SLC35F3: variants seen among roughly 807,000 people sequenced by gnomAD.
SLC35F3 encodes putative thiamine transporter SLC35F3.
A neutral mutation model predicts 49.9 loss-of-function variants in SLC35F3; 25 were observed. The ratio of observed to expected loss-of-function variants is 0.50; its 90% CI spans 0.37 to 0.70. The LOEUF is 0.70. SLC35F3 is among the 30% of genes least tolerant of loss of function. The pLI is 0.00. For missense variants in SLC35F3, 525 were observed against 639.8 expected (o/e 0.82, Z 1.94); for synonymous variants, 275 against 265.4 (o/e 1.04, Z -0.35).
rs185771804 is a variant in SLC35F3 at position 234,037,039 on chromosome 1, G to A, written c.283+131281G>A. Among the ~76,000 whole-genome samples, 11 of 152,318 alleles carry A rather than the reference G, an allele frequency of 7.2e-5. No individual in the cohort carries two copies. In the East Asian group the frequency reaches 1.3e-3, roughly 19 times the overall value. On this transcript the variant is annotated intron_variant, in intron 2 of 7. Transcript: ENST00000366618. The stretch of plus-strand genomic sequence containing the variant: ...AATATTTATAGTAAGCCTACTCGAT[G>A]TTAGATACTATTTGTCCTAGTCTGT...
intron 2 of SLC35F3, among the ~76,000 whole-genome samples, chr1:233,944,207 A>T (rs1662476366): frequency 1.3e-5 from 2 of 152,212 alleles, no homozygotes; most frequent in Non-Finnish European, 2.9e-5. Flanking sequence ...ACTGAAGGAG[A>T]TTGAGACACA....
Position 233,905,573 on chromosome 1 carries a change from A to C in SLC35F3, c.98A>C (p.Asp33Ala). Residue 33 changes from aspartate (D) to alanine (A), a missense_variant, in exon 2 of 8, where the codon GAC becomes GCC. Physicochemically the swap from Asp to Ala is moderately radical, Grantham distance 126 (BLOSUM62 -2). Coordinates refer to ENST00000366618, the MANE Select transcript of SLC35F3 (RefSeq NM_173508.4). ...GACGTCAGCCCCCGGAGACTGTCCG[A>C]CATCAGCCCCCAGCTCCGGCAGCTC... ...SPDVSPRRLS[D>A]ISPQLRQLKY... is the part of the protein sequence containing the mutation. The C allele has an allele frequency of 6.2e-7, 1 of 1,614,116 alleles. No individual in the cohort carries two copies. The highest frequency in any genetic ancestry group is 8.5e-7 in the Non-Finnish European group (1 of 1,180,032).
chr1:234,172,027 CCAGCTCATCTT>C (rs1397964343), intron 2 of SLC35F3, among the ~76,000 whole-genome samples: 1 of 152,150 alleles, frequency 6.6e-6, no homozygotes, highest in East Asian at 1.9e-4. Flanking sequence ...GAAGGAATGT[CCAGCTCATCTT>C]CTTTTTAGCA....
intron 2 of SLC35F3, among the ~76,000 whole-genome samples, chr1:233,911,764 T>G (rs1661878138): frequency 6.6e-6 from 1 of 152,184 alleles, no homozygotes; most frequent in Non-Finnish European, 1.5e-5. Context: ...CTAAAAGCTT[T>G]CCAACTAGAG....
chr1:234,287,831 C>A (rs921634827), intron 3 of SLC35F3, among the ~76,000 whole-genome samples: 1 of 152,180 alleles, frequency 6.6e-6, no homozygotes, highest in Non-Finnish European at 1.5e-5. Context: ...TTTTCCAATT[C>A]CTTCATTTGC....
At chr1:234,268,373 G>T (rs1253355329) in intron 3 of SLC35F3, among the ~76,000 whole-genome samples, 2 of 152,034 alleles carry the variant, frequency 1.3e-5, no homozygotes, top group Admixed American at 6.5e-5. Flanking sequence ...GAATCAGGCA[G>T]GGAGGTTGCA....
At chr1:234,057,675 T>G (rs1193382912) in intron 2 of SLC35F3, among the ~76,000 whole-genome samples, 1 of 152,190 alleles carries the variant, frequency 6.6e-6, no homozygotes, top group Non-Finnish European at 1.5e-5. Flanking sequence ...TCCAGTCTAA[T>G]GTTGAATGAA....
At chr1:234,015,003 A>G (rs560557936) in intron 2 of SLC35F3, among the ~76,000 whole-genome samples, 2 of 152,332 alleles carry the variant, frequency 1.3e-5, no homozygotes, top group African/African-American at 4.8e-5. Flanking sequence ...ATCACAAAAA[A>G]TCCTGGAAGT....
At chr1:234,103,555 C>T (rs1665242586) in intron 2 of SLC35F3, among the ~76,000 whole-genome samples, 1 of 152,174 alleles carries the variant, frequency 6.6e-6, no homozygotes, top group African/African-American at 2.4e-5. Context: ...CATCCAATGC[C>T]ACTATAGCCA....
At chr1:233,920,201 T>C (rs576591674) in intron 2 of SLC35F3, among the ~76,000 whole-genome samples, 2 of 152,248 alleles carry the variant, frequency 1.3e-5, no homozygotes, top group East Asian at 3.9e-4. Context: ...ATCTGTTTCT[T>C]AAGAACAAGA....
At chr1:233,982,523 C>T (rs557130244) in intron 2 of SLC35F3, among the ~76,000 whole-genome samples, 7 of 152,118 alleles carry the variant, frequency 4.6e-5, no homozygotes, top group Non-Finnish European at 8.8e-5. Flanking sequence ...TACAGGCATG[C>T]GCCACCATGC....
intron 2 of SLC35F3, among the ~76,000 whole-genome samples, chr1:234,084,691 C>T (rs1664935875): frequency 6.6e-6 from 1 of 152,180 alleles, no homozygotes. Context: ...AGGTGTTCTG[C>T]TCTATTGAAG....
intron 2 of SLC35F3, among the ~76,000 whole-genome samples, chr1:234,095,224 G>A (rs932587642): frequency 6.6e-6 from 1 of 152,148 alleles, no homozygotes; most frequent in African/African-American, 2.4e-5. Flanking sequence ...AGCACCAGGG[G>A]CCTCCATGAA....
chr1:234,148,281 G>A (rs539576300), intron 2 of SLC35F3, among the ~76,000 whole-genome samples: 53 of 152,206 alleles, frequency 3.5e-4, no homozygotes, highest in Admixed American at 8.5e-4. Flanking sequence ...TTATCCACAC[G>A]CACTCAAGAT....
rs556093761 is a variant in SLC35F3 at position 234,139,479 on chromosome 1, A to C, written c.284-91938A>C. Among the ~76,000 whole-genome samples, 36 of 152,340 alleles carry C rather than the reference A, an allele frequency of 2.4e-4. No homozygotes were observed. In the South Asian group the frequency reaches 7.2e-3, roughly 31 times the overall value. ...AAAGGCACTCTACAATAGTCTATGA[A>C]AATGTAATATGGGACACACTTATAG... On this transcript the variant is annotated intron_variant, in intron 2 of 7. Coordinates refer to ENST00000366618, the MANE Select transcript of SLC35F3 (RefSeq NM_173508.4).
intron 2 of SLC35F3, among the ~76,000 whole-genome samples, chr1:234,073,283 A>G (rs937470789): frequency 1.1e-4 from 17 of 152,088 alleles, no homozygotes; most frequent in African/African-American, 4.1e-4. Context: ...ATGTGGAACT[A>G]TAGCCATGAG....
chr1:234,064,938 A>C (rs895803770), intron 2 of SLC35F3, among the ~76,000 whole-genome samples: 1 of 152,184 alleles, frequency 6.6e-6, no homozygotes, highest in African/African-American at 2.4e-5. Flanking sequence ...ACTGAAGACT[A>C]TTTTCTTTTA....
chr1:234,321,552 G>A (rs1351372564), intron 7 of SLC35F3, among the ~76,000 whole-genome samples: 2 of 152,204 alleles, frequency 1.3e-5, no homozygotes, highest in Non-Finnish European at 2.9e-5. Context: ...TCTTTAGTTT[G>A]TGGTCATACC....
intron 2 of SLC35F3, among the ~76,000 whole-genome samples, chr1:234,101,933 G>A (rs193274971): frequency 3.3e-5 from 5 of 152,226 alleles, no homozygotes; most frequent in South Asian, 2.1e-4. Flanking sequence ...TTCTGCCTCC[G>A]ATTCAAGAAG....
Sources: gnomAD v4.1 joint callset for allele counts (sites outside exome capture counted in the v4.1 genomes callset) on GRCh38, gnomAD v4.1.1 for gene constraint, MANE v1.5 for transcripts, NCBI Gene and HGNC (gene_info 2026-07-23, HGNC 2026-07-21) for gene names.